Variants in SUPV3L1 observed in about 807,000 individuals in gnomAD.
SUPV3L1 encodes the protein ATP-dependent RNA helicase SUPV3L1, mitochondrial.
SUPV3L1 carries 35 observed loss-of-function variants against 70.0 expected under a neutral mutation model. That is an observed-to-expected ratio of 0.50 (90% CI 0.38 to 0.66). The LOEUF (loss-of-function observed/expected upper bound fraction) is 0.66. SUPV3L1 is among the 30% of genes least tolerant of loss of function. The pLI, the probability that SUPV3L1 is intolerant of heterozygous loss-of-function variation, is 0.00. For synonymous variants in SUPV3L1, 364 were observed against 341.9 expected (o/e 1.06, Z -0.71); for missense variants, 777 against 961.5 (o/e 0.81, Z 2.54).
intron 6 of SUPV3L1, among the ~76,000 whole-genome samples, chr10:69,194,597 G>A (rs952843872): frequency 6.6e-6 from 1 of 151,910 alleles, no homozygotes; most frequent in African/African-American, 2.4e-5. Context: ...TGATCCACCC[G>A]CCTCGACCTC....
intron 13 of SUPV3L1, among the ~76,000 whole-genome samples, chr10:69,203,367 A>G (rs2132303547): frequency 6.6e-6 from 1 of 152,270 alleles, no homozygotes; most frequent in Middle Eastern, 3.4e-3. Flanking sequence ...ATGGAGAACC[A>G]TAAATCTCTA....
intron 6 of SUPV3L1, 81 bp downstream of exon 6, chr10:69,191,847 TC>T: frequency 9.2e-7 from 1 of 1,087,512 alleles, no homozygotes; most frequent in Non-Finnish European, 1.3e-6. Context: ...TGCTCTGTTG[TC>T]CAGGCTGGAA....
intron 2 of SUPV3L1, 90 bp downstream of exon 2, chr10:69,186,154 T>C (rs1276895511): frequency 8.6e-7 from 1 of 1,162,640 alleles, no homozygotes; most frequent in East Asian, 2.3e-5. Flanking sequence ...GTGACCTGGC[T>C]GTTGTAGTCT....
chr10:69,187,883 A>G, intron 4 of SUPV3L1, 127 bp downstream of exon 4: 1 of 624,080 alleles, frequency 1.6e-6, no homozygotes, highest in Non-Finnish European at 2.7e-6. Context: ...TGTTTTCCTA[A>G]AATAAAAAGA....
intron 5 of SUPV3L1, among the ~76,000 whole-genome samples, 190 bp from the exon 6 acceptor site, chr10:69,191,465 G>A (rs989714029): frequency 2.6e-5 from 4 of 152,052 alleles, no homozygotes; most frequent in Admixed American, 2.0e-4. Context: ...TTGACCTTGT[G>A]ATCTGCCCAC....
chr10:69,183,495 A>G (rs1238870979), intron 1 of SUPV3L1, among the ~76,000 whole-genome samples: 1 of 152,196 alleles, frequency 6.6e-6, no homozygotes, highest in African/African-American at 2.4e-5. Flanking sequence ...CTTGGGCAAC[A>G]TGGCAAAACT....
At position 69,187,722 on chromosome 10, in the gene SUPV3L1, C is replaced by T. The variant is rs374901378; in HGVS notation, c.538C>T (p.Arg180Cys). The change falls in exon 4 of 15, where the codon CGT (arginine) becomes TGT (cysteine). Residue 180 changes from arginine to cysteine, a missense_variant. Physicochemically the swap from Arg to Cys is radical, Grantham distance 180. This residue lies in a region of SUPV3L1 where 619 missense variants were observed against 823.3 expected (regional missense o/e 0.75). Coordinates refer to ENST00000359655, the MANE Select transcript of SUPV3L1 (RefSeq NM_003171.5). ...FPVLDCKDDLRKISDLRIPPN... is the reference protein window; with the variant it reads ...FPVLDCKDDLCKISDLRIPPN... ...TGTGTTGGACTGTAAGGATGATCTA[C>T]GTAAAATCAGTGACTTAAGAATACC... The T allele has an allele frequency of 2.4e-5, 38 of 1,611,452 alleles. No homozygotes were observed. Among genetic ancestry groups the T allele is most frequent in the South Asian group, 6.7e-5 (6 of 90,186 alleles).
Position 69,208,713 on chromosome 10 carries a change from C to T in SUPV3L1, c.2039C>T (p.Ser680Phe), listed in dbSNP as rs765703726. Residue 680 changes from serine (S) to phenylalanine (F), a missense_variant, in exon 15 of 15, where the codon TCT (serine) becomes TTT (phenylalanine). Ser to Phe is a radical substitution (Grantham distance 155). Around this residue, in one of 2 missense-constraint regions of SUPV3L1, gnomAD observed 619 missense variants for 823.3 expected, o/e 0.75. Coordinates refer to ENST00000359655, the MANE Select transcript of SUPV3L1 (RefSeq NM_003171.5). ...VHNITKLIKMSETHKLLNLEG... is the reference protein window; with the variant it reads ...VHNITKLIKMFETHKLLNLEG... ...AATATCACTAAATTGATTAAAATGT[C>T]TGAGACGCATAAGCTGTTGAATTTG... The T allele has an allele frequency of 1.2e-6, 2 of 1,614,122 alleles. No homozygotes were observed. The highest frequency in any genetic ancestry group is 4.5e-5 in the East Asian group (2 of 44,890).
intron 1 of SUPV3L1, among the ~76,000 whole-genome samples, chr10:69,185,742 C>T (rs371750291): frequency 8.5e-5 from 13 of 152,102 alleles, no homozygotes; most frequent in East Asian, 7.7e-4. Flanking sequence ...CCTCGTGATC[C>T]GCCCACCTCA....
chr10:69,207,353 T>C (rs1216516311), intron 13 of SUPV3L1, among the ~76,000 whole-genome samples: 2 of 152,136 alleles, frequency 1.3e-5, no homozygotes, highest in East Asian at 3.9e-4. Flanking sequence ...CCAAATGGTC[T>C]CACTGCTGGA....
chr10:69,181,583 G>C (rs938379590), intron 1 of SUPV3L1, among the ~76,000 whole-genome samples: 13 of 152,138 alleles, frequency 8.5e-5, no homozygotes, highest in African/African-American at 2.7e-4. Context: ...CATAATACCT[G>C]AGACTGAGTA....
At chr10:69,191,538 A>G (rs1431217151) in intron 5 of SUPV3L1, 117 bp from the exon 6 acceptor site, 22 of 826,948 alleles carry the variant, frequency 2.7e-5, no homozygotes, top group Middle Eastern at 3.1e-4. Flanking sequence ...TGGGAACATT[A>G]TGTTTTAACT....
intron 12 of SUPV3L1, 120 bp from the exon 13 acceptor site, chr10:69,202,747 G>A (rs1842717628): frequency 8.8e-7 from 1 of 1,141,532 alleles, no homozygotes; most frequent in Non-Finnish European, 1.2e-6. Context: ...ATTAAAGCAA[G>A]CCTTTATGGA....
At chr10:69,189,011 A>G (rs915292369) in intron 4 of SUPV3L1, among the ~76,000 whole-genome samples, 2 of 152,248 alleles carry the variant, frequency 1.3e-5, no homozygotes, top group Non-Finnish European at 2.9e-5. Context: ...GCTGAGAAAA[A>G]GAGATTTGTA....
intron 13 of SUPV3L1, among the ~76,000 whole-genome samples, chr10:69,206,772 G>A (rs1454710068): frequency 6.6e-6 from 1 of 152,200 alleles, no homozygotes; most frequent in Admixed American, 6.5e-5. Context: ...ACTTTGGGAG[G>A]CCGAGGCGGG....
At position 69,199,122 on chromosome 10, in the gene SUPV3L1, CA is replaced by C; in HGVS notation, c.1229del (p.Lys410SerfsTer24). The part of the protein sequence containing the change: ...SLPPGTKLAQ[A>X]KKFNDPNDPC... Reference sequence around the variant, plus strand: ...GTTTTAGGGACCAAACTTGCTCAAGCAAAAAAGTTTAATGATCCCAATGACC... The same window carrying C: ...GTTTTAGGGACCAAACTTGCTCAAGCAAAAAGTTTAATGATCCCAATGACC... On this transcript the variant is annotated frameshift_variant, in exon 10 of 15. Coordinates refer to ENST00000359655, the MANE Select transcript of SUPV3L1 (RefSeq NM_003171.5). LOFTEE classifies it high-confidence loss of function. 6.2e-7 allele frequency: 1 copy of C among 1,610,906 alleles called. No individual in the cohort carries two copies. The highest frequency in any genetic ancestry group is 8.5e-7 in the Non-Finnish European group (1 of 1,178,936).
Position 69,206,760 on chromosome 10 carries a change from G to A in SUPV3L1, c.1777-1033G>A, listed in dbSNP as rs182297624. 1.2e-3 allele frequency among the ~76,000 whole-genome samples: 185 copies of A among 152,340 alleles called. 2 individuals are homozygous for A. Among genetic ancestry groups the A allele is most frequent in the East Asian group, 8.3e-3 (43 of 5,186 alleles). Reference sequence around the variant, plus strand: ...GCGGTGGCTCACGCCTGTAATCCCAGCACTTTGGGAGGCCGAGGCGGGTGG... The same window carrying A: ...GCGGTGGCTCACGCCTGTAATCCCAACACTTTGGGAGGCCGAGGCGGGTGG... On this transcript the variant is annotated intron_variant, in intron 13 of 14. Coordinates refer to ENST00000359655, the MANE Select transcript of SUPV3L1 (RefSeq NM_003171.5).
chr10:69,189,545 C>T, intron 5 of SUPV3L1, 110 bp downstream of exon 5: 1 of 1,150,550 alleles, frequency 8.7e-7, no homozygotes. Flanking sequence ...TACCATATTT[C>T]ATTGTGTCTA....
At position 69,202,878 on chromosome 10, in the gene SUPV3L1, A is replaced by G; in HGVS notation, c.1611A>G (p.Val537=). 1 of 1,611,204 alleles carries G rather than the reference A, an allele frequency of 6.2e-7. No individual in the cohort carries two copies. The highest frequency in any genetic ancestry group is 8.5e-7 in the Non-Finnish European group (1 of 1,178,728). The part of the protein sequence containing the change: ...ATLSNLIDIF[V]DFSQVDGQYF... ...TTTTTTTCCCCAAGGATATTTTTGT[A>G]GACTTTTCACAAGTTGATGGGCAGT... The change falls in exon 13 of 15, where the codon GTA becomes GTG. Residue 537 remains valine, a synonymous_variant. Transcript: ENST00000359655.
Sources: allele counts gnomAD v4.1 joint callset (sites outside exome capture counted in the v4.1 genomes callset), GRCh38; gene constraint gnomAD v4.1.1; regional missense constraint gnomAD v4.1.1; transcripts MANE v1.5; gene names NCBI Gene and HGNC (gene_info 2026-07-23, HGNC 2026-07-21).